Variants in NRP2 observed in about 807,000 individuals in gnomAD.
NRP2 encodes neuropilin 2.
NRP2 carries 52 observed loss-of-function variants against 110.4 expected under a neutral mutation model. That is an observed-to-expected ratio of 0.47 (90% confidence interval 0.38 to 0.59). The LOEUF (loss-of-function observed/expected upper bound fraction) is 0.59. NRP2 is among the 20% of genes least tolerant of loss of function. The probability of loss-of-function intolerance (pLI) is 0.00; values close to 1 mark genes in which losing one functional copy is unlikely to be tolerated. For synonymous variants in NRP2, 508 were observed against 468.9 expected (o/e 1.08, Z -1.08); for missense variants, 1,049 against 1,203.0 (o/e 0.87, Z 1.89).
At chr2:205,776,811 C>G in intron 15 of NRP2, 1 of 1,333,088 alleles carries the variant, frequency 7.5e-7, no homozygotes, top group Non-Finnish European at 9.7e-7. Context: ...CTCCACAACT[C>G]AAGGCTCAGC....
chr2:205,719,877 C>T (rs2056976079), intron 3 of NRP2, among the ~76,000 whole-genome samples: 1 of 152,188 alleles, frequency 6.6e-6, no homozygotes, highest in Admixed American at 6.5e-5. Flanking sequence ...TGAAATCATT[C>T]GCTGCAACCC....
At chr2:205,701,579 C>T (rs575859507) in intron 2 of NRP2, 2 of 150,694 alleles carry the variant, frequency 1.3e-5, no homozygotes, top group South Asian at 2.1e-4. Flanking sequence ...TAGATGGGTA[C>T]CTTGATGGGT....
chr2:205,748,783 C>A (rs2057587119), intron 10 of NRP2, among the ~76,000 whole-genome samples: 1 of 152,148 alleles, frequency 6.6e-6, no homozygotes, highest in Non-Finnish European at 1.5e-5. Context: ...GACTTGAGCA[C>A]CAGTTTCCAG....
At chr2:205,719,866 A>G (rs1042193159) in intron 3 of NRP2, among the ~76,000 whole-genome samples, 1 of 152,248 alleles carries the variant, frequency 6.6e-6, no homozygotes, top group Admixed American at 6.5e-5. Flanking sequence ...GTCTTTTCCT[A>G]TGAAATCATT....
intron 12 of NRP2, chr2:205,760,896 G>T (rs1463701634): frequency 6.6e-6 from 1 of 152,182 alleles, no homozygotes; most frequent in Non-Finnish European, 1.5e-5. Context: ...GCAGCAAGTG[G>T]GTCTTATTTG....
At chr2:205,713,338 T>C (rs1231453923) in intron 2 of NRP2, among the ~76,000 whole-genome samples, 2 of 152,252 alleles carry the variant, frequency 1.3e-5, no homozygotes, top group African/African-American at 4.8e-5. Context: ...ATGTGGGTCA[T>C]GTCCTTGGCA....
chr2:205,754,199 G>A (rs34434551), intron 12 of NRP2, among the ~76,000 whole-genome samples: 1 of 152,084 alleles, frequency 6.6e-6, no homozygotes, highest in African/African-American at 2.4e-5. Context: ...TAGTAGATCA[G>A]TTTGCCAGGG....
At chr2:205,743,655 C>G in intron 9 of NRP2, 103 bp downstream of exon 9, 1 of 1,510,472 alleles carries the variant, frequency 6.6e-7, no homozygotes, top group Non-Finnish European at 8.9e-7. Context: ...CAGTCGTCAT[C>G]CAACTCCTGA....
intron 11 of NRP2, among the ~76,000 whole-genome samples, chr2:205,751,346 T>C (rs553663044): frequency 3.3e-5 from 5 of 152,204 alleles, no homozygotes; most frequent in Admixed American, 2.6e-4. Flanking sequence ...TTTGCAAAAG[T>C]TTTTTTTGTA....
At position 205,725,232 on chromosome 2, in the gene NRP2, T is replaced by C. The variant is rs1489139909; in HGVS notation, c.821-681T>C. ...AGAATAGGTTGATACCTGATAAGGA[T>C]TGCTGGCCGATCTTAGACACATGCA... On this transcript the variant is annotated intron_variant, in intron 5 of 16. Coordinates refer to ENST00000357785, the MANE Select transcript of NRP2 (RefSeq NM_003872.3). This position sits in a 1 kb window ranked among gnomAD's most constrained non-coding sequence, Gnocchi z 4.1. Among the ~76,000 whole-genome samples, 3 of 152,220 alleles carry C rather than the reference T, an allele frequency of 2.0e-5. No homozygotes were observed. Among genetic ancestry groups the C allele is most frequent in the Non-Finnish European group, 4.4e-5 (3 of 68,038 alleles).
chr2:205,765,015 T>G (rs1227578075), intron 13 of NRP2, among the ~76,000 whole-genome samples: 2 of 152,220 alleles, frequency 1.3e-5, no homozygotes, highest in Non-Finnish European at 2.9e-5. Flanking sequence ...AGGCAACTTA[T>G]AATAAGGAGC....
intron 15 of NRP2, among the ~76,000 whole-genome samples, chr2:205,790,853 C>T (rs1575687654): frequency 6.6e-6 from 1 of 152,150 alleles, no homozygotes; most frequent in Non-Finnish European, 1.5e-5. Flanking sequence ...GCAGGTGCCA[C>T]TTGCTGTGCT....
chr2:205,766,885 A>C (rs1354491609), intron 15 of NRP2, 82 bp downstream of exon 15: 1 of 1,270,604 alleles, frequency 7.9e-7, no homozygotes, highest in Non-Finnish European at 1.1e-6. Flanking sequence ...GATGGGGGGA[A>C]TCAACCTCCA....
At chr2:205,760,065 A>G (rs964803113) in intron 12 of NRP2, among the ~76,000 whole-genome samples, 3 of 152,230 alleles carry the variant, frequency 2.0e-5, no homozygotes, top group African/African-American at 7.2e-5. Flanking sequence ...TCTGAGCCTC[A>G]GTTTCTTTTT....
At chr2:205,769,488 G>A (rs760146739) in intron 15 of NRP2, among the ~76,000 whole-genome samples, 1 of 131,550 alleles carries the variant, frequency 7.6e-6, no homozygotes, top group Admixed American at 8.2e-5. Flanking sequence ...TCTGCTGTGT[G>A]TGTGTATATA....
At chr2:205,737,683 G>A (rs1408323357) in intron 7 of NRP2, among the ~76,000 whole-genome samples, 1 of 152,206 alleles carries the variant, frequency 6.6e-6, no homozygotes, top group Non-Finnish European at 1.5e-5. Flanking sequence ...GAAACGTGAA[G>A]GGTAATTTGA....
chr2:205,772,019 ACT>A (rs2058030490), intron 15 of NRP2, among the ~76,000 whole-genome samples: 1 of 152,196 alleles, frequency 6.6e-6, no homozygotes, highest in East Asian at 1.9e-4. Context: ...TCTAGCCGTG[ACT>A]CTGACACTTG....
intron 15 of NRP2, chr2:205,776,146 G>A: frequency 8.3e-7 from 1 of 1,197,932 alleles, no homozygotes; most frequent in Non-Finnish European, 1.2e-6. Context: ...TTCCCTGTAT[G>A]TCCCAAAGCA....
chr2:205,733,520 G>A (rs984266081), intron 7 of NRP2, among the ~76,000 whole-genome samples: 1 of 152,148 alleles, frequency 6.6e-6, no homozygotes, highest in African/African-American at 2.4e-5. Flanking sequence ...CCGGTTTGCA[G>A]AGCCTCCACC....
Sources: gnomAD v4.1 joint callset for allele counts (sites outside exome capture counted in the v4.1 genomes callset) on GRCh38, gnomAD v4.1.1 for gene constraint, Gnocchi (gnomAD v3.1) non-coding constraint, MANE v1.5 for transcripts, NCBI Gene and HGNC (gene_info 2026-07-23, HGNC 2026-07-21) for gene names.